Variants in ZNF644 observed in about 807,000 individuals in gnomAD.
ZNF644 encodes zinc finger motif enhancer binding protein 2.
In ZNF644, 20 loss-of-function variants were observed where a neutral mutation model predicts 108.0. That is an observed-to-expected ratio of 0.19 (90% confidence interval 0.13 to 0.27). The LOEUF is 0.27. ZNF644 is among the 10% of genes least tolerant of loss of function. The pLI is 1.00. For missense variants in ZNF644, 1,338 were observed against 1,548.9 expected (o/e 0.86, Z 2.29); for synonymous variants, 542 against 539.1 (o/e 1.01, Z -0.08).
At chr1:90,995,162 T>C (rs1208479207) in intron 1 of ZNF644, among the ~76,000 whole-genome samples, 4 of 152,164 alleles carry the variant, frequency 2.6e-5, no homozygotes, top group Admixed American at 2.0e-4. Context: ...TTATTCTAAG[T>C]ATGTTATGAA....
intron 1 of ZNF644, among the ~76,000 whole-genome samples, chr1:91,015,939 T>C (rs775089567): frequency 4.6e-5 from 7 of 152,344 alleles, no homozygotes; most frequent in South Asian, 2.1e-4. Flanking sequence ...ACATGAATTA[T>C]GTAATATCAA....
At chr1:90,929,810 A>G (rs1229955659) in intron 4 of ZNF644, among the ~76,000 whole-genome samples, 1 of 152,226 alleles carries the variant, frequency 6.6e-6, no homozygotes, top group Non-Finnish European at 1.5e-5. Flanking sequence ...AGGCAAAAGA[A>G]ACCTACTACG....
chr1:90,949,492 T>C (rs950418337), intron 2 of ZNF644, among the ~76,000 whole-genome samples: 6 of 152,140 alleles, frequency 3.9e-5, no homozygotes, highest in Non-Finnish European at 7.4e-5. Context: ...TGAAACAAAA[T>C]ATATTAGTGT....
chr1:90,969,214 C>G (rs1226490167), intron 2 of ZNF644, among the ~76,000 whole-genome samples: 3 of 152,048 alleles, frequency 2.0e-5, no homozygotes, highest in Non-Finnish European at 4.4e-5. Flanking sequence ...TTAGGACATA[C>G]AGAGAGACAC....
intron 2 of ZNF644, among the ~76,000 whole-genome samples, chr1:90,975,240 G>A (rs1027477487): frequency 6.6e-6 from 1 of 152,132 alleles, no homozygotes; most frequent in Non-Finnish European, 1.5e-5. Context: ...GACTATCACA[G>A]TACTAATGAT....
chr1:91,006,795 C>A (rs1033271292), intron 1 of ZNF644, among the ~76,000 whole-genome samples: 5 of 117,340 alleles, frequency 4.3e-5, no homozygotes, highest in African/African-American at 1.5e-4. Context: ...CTTTCTGGAT[C>A]CCCCCTCTTT....
At position 90,977,269 on chromosome 1, in the gene ZNF644, T is replaced by C. The variant is rs180899475; in HGVS notation, c.44+5041A>G. On this transcript the variant is annotated intron_variant, in intron 2 of 5. Transcript: ENST00000337393. ...TCTTTTTATTTACAGGCTATGCTGATGTTAGTTTGTAGCAAACTATAAAGA... is the reference window on the plus strand; with the variant it reads ...TCTTTTTATTTACAGGCTATGCTGACGTTAGTTTGTAGCAAACTATAAAGA... Among the ~76,000 whole-genome samples the C allele has an allele frequency of 3.7e-3, 565 of 152,278 alleles. 2 individuals carry two copies. The highest frequency in any genetic ancestry group is 6.9e-3 in the Non-Finnish European group (466 of 67,990).
chr1:91,003,315 A>G (rs2101692510), intron 1 of ZNF644, among the ~76,000 whole-genome samples: 1 of 152,324 alleles, frequency 6.6e-6, no homozygotes, highest in Non-Finnish European at 1.5e-5. Context: ...GATTAAGAAA[A>G]TGTGGCACAT....
At chr1:90,944,423 T>C (rs556640782) in intron 2 of ZNF644, among the ~76,000 whole-genome samples, 4 of 152,252 alleles carry the variant, frequency 2.6e-5, no homozygotes, top group South Asian at 4.1e-4. Context: ...AAAAATCCGA[T>C]TAAATATTGT....
intron 2 of ZNF644, among the ~76,000 whole-genome samples, chr1:90,956,285 C>T (rs973056445): frequency 1.3e-5 from 2 of 152,146 alleles, no homozygotes; most frequent in African/African-American, 2.4e-5. Context: ...TACGGAGATA[C>T]GAATGAGCAT....
At position 90,937,957 on chromosome 1, in the gene ZNF644, G is replaced by A. The variant is rs780084758; in HGVS notation, c.3216C>T (p.His1072=). 3.1e-6 allele frequency: 5 copies of A among 1,612,992 alleles called. No homozygotes were observed. Among genetic ancestry groups the A allele is most frequent in the Non-Finnish European group, 4.2e-6 (5 of 1,179,852 alleles). Residue 1072 remains histidine, a synonymous_variant, in exon 4 of 6, where the codon CAC becomes CAT. Transcript: ENST00000337393. ...CATTCAGAACACAGATTGGAGATTT[G>A]TGAGCATCCCATTTCGTCTTTCCAA... The part of the protein sequence containing the change: ...KRLGKTKWDA[H]KSPICVLNEM...
intron 4 of ZNF644, among the ~76,000 whole-genome samples, chr1:90,919,557 T>C (rs967340440): frequency 6.6e-6 from 1 of 152,142 alleles, no homozygotes; most frequent in Non-Finnish European, 1.5e-5. Flanking sequence ...CACCTGCCTA[T>C]TCAAAAGTAA....
intron 4 of ZNF644, among the ~76,000 whole-genome samples, chr1:90,918,738 C>T (rs1649086335): frequency 6.6e-6 from 1 of 152,044 alleles, no homozygotes; most frequent in South Asian, 2.1e-4. Context: ...AAATTGTATG[C>T]TGGCCCTACA....
Position 90,939,871 on chromosome 1 carries a change from G to A in ZNF644, c.1483C>T (p.Arg495Ter). Residue 495 changes from arginine (R) to a stop codon, truncating the protein, a stop_gained, in exon 3 of 6, where the codon CGA (arginine) becomes TGA (stop). Transcript: ENST00000337393. LOFTEE classifies it high-confidence loss of function. The stretch of plus-strand genomic sequence containing the variant: ...AACACACACTGAGGACACTGTAATC[G>A]TGCACTTCTTCCTTCATCCTGAAGT... ...KELQDEGRSA[R>*]LQCPQCVFGT... is the part of the protein sequence containing the mutation. 1 of 1,613,976 alleles carries A rather than the reference G, an allele frequency of 6.2e-7. No individual in the cohort carries two copies. Among genetic ancestry groups the A allele is most frequent in the Non-Finnish European group, 8.5e-7 (1 of 1,179,938 alleles).
intron 2 of ZNF644, among the ~76,000 whole-genome samples, chr1:90,957,848 T>C (rs1255928199): frequency 1.3e-5 from 2 of 152,136 alleles, no homozygotes; most frequent in East Asian, 3.9e-4. Context: ...TATTTGTGAA[T>C]GACATAATTC....
At chr1:90,964,177 T>C (rs937698202) in intron 2 of ZNF644, among the ~76,000 whole-genome samples, 1 of 152,152 alleles carries the variant, frequency 6.6e-6, no homozygotes, top group African/African-American at 2.4e-5. Context: ...TCATTCAATA[T>C]ATTTAATTTT....
At chr1:90,941,834 G>T (rs1652028160) in intron 2 of ZNF644, among the ~76,000 whole-genome samples, 1 of 152,120 alleles carries the variant, frequency 6.6e-6, no homozygotes, top group Admixed American at 6.5e-5. Flanking sequence ...ACACCATTCA[G>T]TAAATAACTT....
intron 2 of ZNF644, among the ~76,000 whole-genome samples, chr1:90,966,862 A>G (rs1654960581): frequency 6.6e-6 from 1 of 151,558 alleles, no homozygotes. Flanking sequence ...CTCACGTGAT[A>G]GGAGCACTTT....
At chr1:90,990,725 C>A (rs1657558685) in intron 1 of ZNF644, among the ~76,000 whole-genome samples, 1 of 152,122 alleles carries the variant, frequency 6.6e-6, no homozygotes, top group Admixed American at 6.6e-5. Context: ...GGAAGAGTCA[C>A]CCAAAAGGAT....
Sources: allele counts gnomAD v4.1 joint callset (sites outside exome capture counted in the v4.1 genomes callset), GRCh38; gene constraint gnomAD v4.1.1; transcripts MANE v1.5; gene names NCBI Gene and HGNC (gene_info 2026-07-23, HGNC 2026-07-21).